FRMD5: variants seen among roughly 807,000 people sequenced by gnomAD.
FRMD5 encodes the protein FERM domain containing 5, also known as FERM domain-containing protein 5.
A neutral mutation model predicts 69.0 loss-of-function variants in FRMD5; 20 were observed. That is an observed-to-expected ratio of 0.29 (90% CI 0.20 to 0.42). FRMD5 has a LOEUF of 0.42. Ranked by LOEUF, FRMD5 falls within the 10% of genes least tolerant of loss-of-function variation. The pLI is 1.00. For synonymous variants in FRMD5, 271 were observed against 260.1 expected, an observed-to-expected ratio of 1.04 and a Z score of -0.40; for missense variants, 595 against 708.6, an observed-to-expected ratio of 0.84 and a Z score of 1.82.
intron 1 of FRMD5, among the ~76,000 whole-genome samples, chr15:43,969,261 T>C (rs1292968212): frequency 6.6e-6 from 1 of 152,060 alleles, no homozygotes; most frequent in East Asian, 1.9e-4. Context: ...TTTAAATTTT[T>C]TGTAGGGATG....
chr15:44,028,081 C>A (rs1292529019), intron 1 of FRMD5, among the ~76,000 whole-genome samples: 1 of 152,108 alleles, frequency 6.6e-6, no homozygotes, highest in Admixed American at 6.5e-5. Flanking sequence ...GGAGGTGTTG[C>A]ATATCACACG....
At chr15:44,113,908 A>G (rs2076833983) in intron 1 of FRMD5, among the ~76,000 whole-genome samples, 1 of 152,244 alleles carries the variant, frequency 6.6e-6, no homozygotes, top group African/African-American at 2.4e-5. Context: ...GAAATATTAA[A>G]CAAACACCAG....
At chr15:44,062,157 T>C (rs1184651770) in intron 1 of FRMD5, among the ~76,000 whole-genome samples, 1 of 152,252 alleles carries the variant, frequency 6.6e-6, no homozygotes, top group Non-Finnish European at 1.5e-5. Flanking sequence ...ATAAAGACTT[T>C]ATTTTCTTGT....
chr15:43,886,537 G>A (rs1053705830), intron 10 of FRMD5, among the ~76,000 whole-genome samples: 35 of 152,212 alleles, frequency 2.3e-4, no homozygotes, highest in Non-Finnish European at 1.5e-4. Context: ...AGCTCAGAGA[G>A]AAGCCTCCTA....
At chr15:44,116,636 G>C (rs1344011148) in intron 1 of FRMD5, among the ~76,000 whole-genome samples, 1 of 152,174 alleles carries the variant, frequency 6.6e-6, no homozygotes, top group Admixed American at 6.5e-5. Context: ...TGGGAGAGAG[G>C]GAGAAGGGTC....
At chr15:43,940,003 C>G (rs1049722877) in intron 1 of FRMD5, among the ~76,000 whole-genome samples, 3 of 152,102 alleles carry the variant, frequency 2.0e-5, no homozygotes, top group African/African-American at 7.2e-5. Flanking sequence ...AGGGTGAAAC[C>G]CTGTGTCTAC....
At chr15:43,989,645 A>C (rs908129352) in intron 1 of FRMD5, 16 of 889,342 alleles carry the variant, frequency 1.8e-5, no homozygotes, top group African/African-American at 1.5e-4. Flanking sequence ...CTGACCAGCC[A>C]GGCACACACG....
intron 1 of FRMD5, among the ~76,000 whole-genome samples, chr15:44,054,412 G>C (rs1445171459): frequency 1.3e-5 from 2 of 152,146 alleles, no homozygotes; most frequent in Non-Finnish European, 2.9e-5. Flanking sequence ...GATTTTACTA[G>C]AGTCTCTTCA....
chr15:44,160,389 G>T (rs1470904884), intron 1 of FRMD5, among the ~76,000 whole-genome samples: 1 of 152,094 alleles, frequency 6.6e-6, no homozygotes, highest in East Asian at 1.9e-4. Context: ...GGAAAGTTTT[G>T]CAGGATAGAA....
chr15:44,019,292 C>T (rs765128539), intron 1 of FRMD5, among the ~76,000 whole-genome samples: 2 of 152,062 alleles, frequency 1.3e-5, no homozygotes, highest in Admixed American at 6.6e-5. Context: ...TTTTTATTAG[C>T]ACAGCTAGTA....
At chr15:44,035,336 A>T (rs1303101528) in intron 1 of FRMD5, among the ~76,000 whole-genome samples, 2 of 152,166 alleles carry the variant, frequency 1.3e-5, no homozygotes, top group Admixed American at 1.3e-4. Flanking sequence ...GTTGTATACC[A>T]CTTAGGTCTG....
intron 6 of FRMD5, among the ~76,000 whole-genome samples, chr15:43,904,148 AG>A: frequency 2.6e-5 from 4 of 152,230 alleles, no homozygotes; most frequent in Admixed American, 2.6e-4. Flanking sequence ...ACAAAGGCTA[AG>A]GAGGCTTTGG....
rs528293511 is a variant in FRMD5, at chr15:43,938,748, A to G, written c.103-14439T>C. ...AAAGCCTCAAAATTTAACAGAAACC[A>G]GTAACTTAGCCAACAATATTTGAAG... On this transcript the variant is annotated intron_variant, in intron 1 of 13. Transcript: ENST00000417257. 5.3e-5 allele frequency among the ~76,000 whole-genome samples: 8 copies of G among 152,362 alleles called. No homozygotes were observed. In the South Asian group the frequency reaches 1.7e-3, roughly 32 times the overall value.
intron 1 of FRMD5, among the ~76,000 whole-genome samples, chr15:44,029,490 G>A (rs1341828645): frequency 6.6e-6 from 1 of 152,208 alleles, no homozygotes; most frequent in Non-Finnish European, 1.5e-5. Flanking sequence ...CAGTGTTAAA[G>A]CTATTAAACC....
chr15:44,040,661 G>A (rs1892145897), intron 1 of FRMD5, among the ~76,000 whole-genome samples: 1 of 152,020 alleles, frequency 6.6e-6, no homozygotes, highest in South Asian at 2.1e-4. Flanking sequence ...AGCTCCTGTA[G>A]GAAACACTAA....
intron 1 of FRMD5, among the ~76,000 whole-genome samples, chr15:44,060,129 T>C (rs1026363695): frequency 1.3e-5 from 2 of 151,858 alleles, no homozygotes; most frequent in Non-Finnish European, 2.9e-5. Context: ...GATGACAGAG[T>C]AGGCAGCAAG....
intron 1 of FRMD5, among the ~76,000 whole-genome samples, chr15:44,124,681 A>G (rs2077001715): frequency 6.6e-6 from 1 of 152,174 alleles, no homozygotes; most frequent in Non-Finnish European, 1.5e-5. Flanking sequence ...CCTGGGTGAC[A>G]GAGGGAGACT....
chr15:44,101,556 A>G (rs1409763869), intron 1 of FRMD5: 1 of 152,662 alleles, frequency 6.6e-6, no homozygotes, highest in East Asian at 1.9e-4. Flanking sequence ...TAGACTTATC[A>G]TGAAAGCTGG....
chr15:44,187,697 T>C (rs530674632), intron 1 of FRMD5, among the ~76,000 whole-genome samples: 1 of 152,214 alleles, frequency 6.6e-6, no homozygotes, highest in Non-Finnish European at 1.5e-5. Context: ...CCCCCTCATG[T>C]AGCTAGGACT....
Sources: gnomAD v4.1 joint callset for allele counts (sites outside exome capture counted in the v4.1 genomes callset) on GRCh38, gnomAD v4.1.1 for gene constraint, MANE v1.5 for transcripts, NCBI Gene and HGNC (gene_info 2026-07-23, HGNC 2026-07-21) for gene names.